The following DLEU7 variants were observed in gnomAD, a reference collection of about 807,000 sequenced individuals.
DLEU7 encodes leukemia-associated protein 7.
A neutral mutation model predicts 16.0 loss-of-function variants in DLEU7; 17 were observed. The ratio of observed to expected loss-of-function variants is 1.06; its 90% CI spans 0.73 to 1.59. The LOEUF (loss-of-function observed/expected upper bound fraction) is 1.59, where lower values mean the gene tolerates loss of function less well. Among genes scored for constraint, DLEU7 ranks in the 40% most tolerant of loss-of-function variants. DLEU7 has a pLI of 0.00. For synonymous variants in DLEU7, 113 were observed against 139.8 expected, an observed-to-expected ratio of 0.81 and a Z score of 1.35; for missense variants, 308 against 314.9, an observed-to-expected ratio of 0.98 and a Z score of 0.17.
At chr13:50,809,830 G>A (rs1876510913) in intron 1 of DLEU7, among the ~76,000 whole-genome samples, 1 of 152,118 alleles carries the variant, frequency 6.6e-6, no homozygotes, top group Non-Finnish European at 1.5e-5. Context: ...CAGAAAGTCA[G>A]TATTGATTTA....
chr13:50,804,878 G>A (rs1876346842), intron 1 of DLEU7, among the ~76,000 whole-genome samples: 1 of 142,604 alleles, frequency 7.0e-6, no homozygotes, highest in Non-Finnish European at 1.5e-5. Flanking sequence ...GATGATGATT[G>A]TATATATTTA....
At chr13:50,757,113 G>C (rs1874785664) in intron 1 of DLEU7, among the ~76,000 whole-genome samples, 1 of 152,164 alleles carries the variant, frequency 6.6e-6, no homozygotes, top group African/African-American at 2.4e-5. Context: ...TTCTTTCAGA[G>C]GGTCTGTGGA....
In DLEU7 at chr13:50,823,141, A is replaced by T; in HGVS notation, c.*173T>A. On this transcript the variant is annotated 3_prime_UTR_variant, in exon 2 of 2. Coordinates refer to ENST00000504404, the MANE Select transcript of DLEU7 (RefSeq NM_001306135.2). ...ACTGCTTTAAAAAAATTTCATTAAC[A>T]TGCTATAATCCCGAAGGCTACAGAT... The T allele has an allele frequency of 7.1e-7, 1 of 1,400,618 alleles. No homozygotes were observed. The highest frequency in any genetic ancestry group is 9.3e-7 in the Non-Finnish European group (1 of 1,078,916). 86.8% of individuals were successfully genotyped at this position (1,400,618 alleles called of 1,614,324 possible).
intron 1 of DLEU7, among the ~76,000 whole-genome samples, chr13:50,810,459 T>C (rs1278210715): frequency 1.3e-5 from 2 of 152,080 alleles, no homozygotes; most frequent in African/African-American, 2.4e-5. Context: ...ATATGAATGT[T>C]TTAATACCAA....
At chr13:50,735,228 A>G (rs2137720149) in intron 1 of DLEU7, among the ~76,000 whole-genome samples, 1 of 152,278 alleles carries the variant, frequency 6.6e-6, no homozygotes, top group African/African-American at 2.4e-5. Context: ...CTTCTCTCAA[A>G]CAATGGTAGA....
chr13:50,733,165 C>T (rs564716229), intron 1 of DLEU7, among the ~76,000 whole-genome samples: 7 of 152,262 alleles, frequency 4.6e-5, no homozygotes, highest in African/African-American at 1.4e-4. Flanking sequence ...TCTGAGAAAG[C>T]GTTTTAAAAA....
At chr13:50,835,720 G>A (rs936034565) in intron 1 of DLEU7, among the ~76,000 whole-genome samples, 4 of 152,154 alleles carry the variant, frequency 2.6e-5, no homozygotes, top group Non-Finnish European at 4.4e-5. Context: ...GATGTCTCTC[G>A]GAAAAACCGC....
At chr13:50,719,030 G>C (rs1390403575) in intron 1 of DLEU7, among the ~76,000 whole-genome samples, 1 of 152,178 alleles carries the variant, frequency 6.6e-6, no homozygotes, top group East Asian at 1.9e-4. Flanking sequence ...GAAATGCTCA[G>C]ACCTGTCCCA....
chr13:50,758,464 TCA>T (rs1265604154), intron 1 of DLEU7, among the ~76,000 whole-genome samples: 1 of 152,208 alleles, frequency 6.6e-6, no homozygotes, highest in Non-Finnish European at 1.5e-5. Context: ...TTCACAGTAT[TCA>T]CAGTTTCCGT....
At chr13:50,730,001 T>A (rs898464751) in intron 1 of DLEU7, among the ~76,000 whole-genome samples, 10 of 152,184 alleles carry the variant, frequency 6.6e-5, no homozygotes, top group Non-Finnish European at 1.5e-4. Context: ...TTATATGTGT[T>A]ATATACCATA....
intron 1 of DLEU7, among the ~76,000 whole-genome samples, chr13:50,768,019 A>G (rs1160613513): frequency 6.6e-6 from 1 of 152,194 alleles, no homozygotes; most frequent in Non-Finnish European, 1.5e-5. Flanking sequence ...ATTTTAACCA[A>G]GTCCAATATG....
At chr13:50,787,463 G>A (rs1413077380) in intron 1 of DLEU7, among the ~76,000 whole-genome samples, 4 of 152,146 alleles carry the variant, frequency 2.6e-5, no homozygotes, top group African/African-American at 9.7e-5. Flanking sequence ...TGGGGGCAGG[G>A]AGATAGCAAA....
At chr13:50,729,564 G>A (rs1873862058) in intron 1 of DLEU7, among the ~76,000 whole-genome samples, 1 of 152,130 alleles carries the variant, frequency 6.6e-6, no homozygotes, top group African/African-American at 2.4e-5. Context: ...GGGATTGCTG[G>A]ATCAAATGGT....
chr13:50,843,736 C>G (rs1877774365), upstream of DLEU7: 2 of 1,449,578 alleles, frequency 1.4e-6, no homozygotes, highest in Admixed American at 2.9e-5. This position sits in a 1 kb window ranked among gnomAD's most constrained non-coding sequence, Gnocchi z 5.7. Flanking sequence ...GTCACATTTT[C>G]TAACCCGCGG....
Position 50,823,251 on chromosome 13 carries a change from A to G in DLEU7, c.*63T>C. ...CCATTGTCTGCTGACTCAATTAGGA[A>G]GGTAAGGTATCTGGTTCTCTTAACA... On this transcript the variant is annotated 3_prime_UTR_variant, in exon 2 of 2. Coordinates refer to ENST00000504404, the MANE Select transcript of DLEU7 (RefSeq NM_001306135.2). 6.6e-7 allele frequency: 1 copy of G among 1,523,540 alleles called. No individual in the cohort carries two copies. Among genetic ancestry groups the G allele is most frequent in the South Asian group, 1.2e-5 (1 of 83,332 alleles). The allele number at this position is 1,523,540 out of a possible 1,614,324, so 94.4% of individuals were successfully genotyped here.
intron 1 of DLEU7, among the ~76,000 whole-genome samples, chr13:50,766,636 C>T (rs926905599): frequency 2.6e-5 from 4 of 152,120 alleles, no homozygotes; most frequent in African/African-American, 9.7e-5. Flanking sequence ...TGGTGACAGG[C>T]TCAGGAGTCC....
chr13:50,767,760 G>A (rs1875165318), intron 1 of DLEU7, among the ~76,000 whole-genome samples: 1 of 152,154 alleles, frequency 6.6e-6, no homozygotes, highest in African/African-American at 2.4e-5. Flanking sequence ...AGTAAGACCA[G>A]GACCAGCATA....
chr13:50,761,928 C>T (rs1447286696), intron 1 of DLEU7, among the ~76,000 whole-genome samples: 7 of 151,936 alleles, frequency 4.6e-5, no homozygotes, highest in South Asian at 2.1e-4. Flanking sequence ...CGGTGGCTCA[C>T]GCCTGTAATC....
chr13:50,788,431 G>A (rs1875855543), intron 1 of DLEU7, among the ~76,000 whole-genome samples: 1 of 152,182 alleles, frequency 6.6e-6, no homozygotes, highest in South Asian at 2.1e-4. Context: ...TACCAAGGCT[G>A]TGAAAGAAAA....
Sources: gnomAD v4.1 joint callset for allele counts (sites outside exome capture counted in the v4.1 genomes callset) on GRCh38, gnomAD v4.1.1 for gene constraint, Gnocchi (gnomAD v3.1) non-coding constraint, MANE v1.5 for transcripts, NCBI Gene and HGNC (gene_info 2026-07-23, HGNC 2026-07-21) for gene names.